Variants in PHC3 observed in about 807,000 individuals in gnomAD.
PHC3 encodes the protein polyhomeotic-like protein 3.
PHC3 carries 13 observed loss-of-function variants against 107.4 expected under a neutral mutation model. The ratio of observed to expected loss-of-function variants is 0.12; its 90% CI spans 0.08 to 0.19. The LOEUF (loss-of-function observed/expected upper bound fraction) is 0.19, where lower values mean the gene tolerates loss of function less well. Ranked by LOEUF, PHC3 falls within the 10% of genes least tolerant of loss-of-function variation. The probability of loss-of-function intolerance (pLI) is 1.00; values close to 1 mark genes in which losing one functional copy is unlikely to be tolerated. For synonymous variants in PHC3, 456 were observed against 427.4 expected (o/e 1.07, Z -0.83); for missense variants, 992 against 1,210.9 (o/e 0.82, Z 2.68).
intron 4 of PHC3, among the ~76,000 whole-genome samples, chr3:170,155,941 A>G (rs1052586330): frequency 2.0e-5 from 3 of 152,036 alleles, no homozygotes; most frequent in Admixed American, 6.6e-5. Context: ...TTCTATGTAG[A>G]TATTAATTTT....
intron 12 of PHC3, 29 bp downstream of exon 12, chr3:170,106,803 C>G: frequency 6.4e-7 from 1 of 1,557,870 alleles, no homozygotes; most frequent in Non-Finnish European, 8.7e-7. Context: ...TTTATCTGTC[C>G]TTTGGGAAAT....
At position 170,091,925 on chromosome 3, in the gene PHC3, A is replaced by G. The variant is rs1230397764; in HGVS notation, c.*5305T>C. 8 of 152,232 alleles carry G rather than the reference A, an allele frequency of 5.3e-5. No individual in the cohort carries two copies. Among genetic ancestry groups the G allele is most frequent in the African/African-American group, 1.4e-4 (6 of 41,460 alleles). The allele number at this position is 152,232 out of a possible 1,614,324, so 9.4% of individuals were successfully genotyped here. On this transcript the variant is annotated 3_prime_UTR_variant, in exon 15 of 15. Transcript: ENST00000495893. ...TTAAATTTATTTGAAGAAAGCTTATATAACTACTGTGAACAAAACTATATG... is the reference window on the plus strand; with the variant it reads ...TTAAATTTATTTGAAGAAAGCTTATGTAACTACTGTGAACAAAACTATATG...
chr3:170,105,743 A>C (rs1210736851), intron 12 of PHC3, among the ~76,000 whole-genome samples: 1 of 152,230 alleles, frequency 6.6e-6, no homozygotes, highest in African/African-American at 2.4e-5. Context: ...TGAAAGAATA[A>C]TTACCTTTTT....
At chr3:170,128,422 A>C (rs1343738716) in intron 8 of PHC3, 1 of 1,329,042 alleles carries the variant, frequency 7.5e-7, no homozygotes, top group African/African-American at 1.5e-5. Context: ...TAAAGATAGC[A>C]GATGGATTTG....
chr3:170,102,400 A>C, intron 14 of PHC3, 79 bp downstream of exon 14: 2 of 1,540,868 alleles, frequency 1.3e-6, no homozygotes, highest in Non-Finnish European at 1.8e-6. Flanking sequence ...CCTTTTGTGC[A>C]AAAGGTGTGG....
At chr3:170,134,622 GA>G (rs987570565) in intron 7 of PHC3, among the ~76,000 whole-genome samples, 9 of 149,766 alleles carry the variant, frequency 6.0e-5, no homozygotes, top group African/African-American at 2.0e-4. Context: ...ATCCAAGTGG[GA>G]AAAAAAAATG....
At chr3:170,112,091 A>T (rs970157942) in intron 11 of PHC3, among the ~76,000 whole-genome samples, 1 of 152,218 alleles carries the variant, frequency 6.6e-6, no homozygotes, top group Non-Finnish European at 1.5e-5. Context: ...CTCAGCCCAA[A>T]AAACAGTAAA....
At chr3:170,130,569 G>A (rs1237862967) in intron 7 of PHC3, among the ~76,000 whole-genome samples, 1 of 152,104 alleles carries the variant, frequency 6.6e-6, no homozygotes, top group Non-Finnish European at 1.5e-5. Flanking sequence ...CAGAGAATGA[G>A]ACAATCAGAA....
At chr3:170,157,229 GA>G (rs989494150) in intron 4 of PHC3, among the ~76,000 whole-genome samples, 47 of 152,140 alleles carry the variant, frequency 3.1e-4, no homozygotes, top group Admixed American at 1.2e-3. Flanking sequence ...ACTGTTAAGG[GA>G]AAAAAACAAA....
intron 8 of PHC3, among the ~76,000 whole-genome samples, chr3:170,127,418 C>T (rs939476962): frequency 1.3e-5 from 2 of 152,152 alleles, no homozygotes; most frequent in Non-Finnish European, 2.9e-5. Context: ...CTGCCCACCT[C>T]AGCTTCCCAA....
rs774220722 is a variant in PHC3, at chr3:170,172,589, T to C, written c.304A>G (p.Ser102Gly). The C allele has an allele frequency of 1.2e-6, 2 of 1,613,484 alleles. No homozygotes were observed. The highest frequency in any genetic ancestry group is 1.1e-5 in the South Asian group (1 of 90,994). Reference protein sequence around the residue: ...TAALQQQHLSSSQLQSLAAVQ... With the variant: ...TAALQQQHLSGSQLQSLAAVQ... ...GCAGCAAGGCTCTGAAGCTGGGAGCTGCTTAAATGCTGCTGCTGAAGAGCT... is the reference window on the plus strand; with the variant it reads ...GCAGCAAGGCTCTGAAGCTGGGAGCCGCTTAAATGCTGCTGCTGAAGAGCT... Residue 102 changes from serine to glycine, a missense_variant, in exon 3 of 15, where the codon AGC (serine) becomes GGC (glycine). Around this residue, in one of 6 missense-constraint regions of PHC3, gnomAD observed 161 missense variants for 183.7 expected, o/e 0.88. Transcript: ENST00000495893.
At chr3:170,177,280 T>C (rs1402357683) in intron 2 of PHC3, among the ~76,000 whole-genome samples, 1 of 152,206 alleles carries the variant, frequency 6.6e-6, no homozygotes, top group Non-Finnish European at 1.5e-5. Flanking sequence ...CTTCATACTG[T>C]AGCAGCACCT....
intron 7 of PHC3, among the ~76,000 whole-genome samples, chr3:170,130,909 C>A (rs1409213260): frequency 6.6e-6 from 1 of 151,710 alleles, no homozygotes; most frequent in Non-Finnish European, 1.5e-5. Flanking sequence ...AAAGACAGGG[C>A]AATTTTTTTT....
At chr3:170,099,869 A>C (rs1425894920) in intron 14 of PHC3, among the ~76,000 whole-genome samples, 2 of 152,228 alleles carry the variant, frequency 1.3e-5, no homozygotes, top group African/African-American at 4.8e-5. Context: ...AGAAAAATCA[A>C]ATCTACTGTG....
At position 170,145,027 on chromosome 3, in the gene PHC3, G is replaced by GT. The variant is rs1169258372; in HGVS notation, c.672+395dup. On this transcript the variant is annotated intron_variant, in intron 6 of 14. Transcript: ENST00000495893. ...CTGACCAATTTTTTAAATTTTAAAT[G>GT]TGTCTAGTTTAATTCACTTTCAAAC... Among the ~76,000 whole-genome samples, 3 of 152,274 alleles carry GT rather than the reference G, an allele frequency of 2.0e-5. No individual in the cohort carries two copies. In the East Asian group the frequency reaches 5.8e-4, roughly 29 times the overall value.
At chr3:170,156,916 A>C (rs1386497206) in intron 4 of PHC3, among the ~76,000 whole-genome samples, 4 of 152,154 alleles carry the variant, frequency 2.6e-5, no homozygotes, top group Non-Finnish European at 5.9e-5. Context: ...TTTTTTAATA[A>C]ATCAAAGAAA....
At chr3:170,113,679 A>G (rs927011265) in intron 10 of PHC3, among the ~76,000 whole-genome samples, 160 bp from the exon 11 acceptor site, 1 of 152,226 alleles carries the variant, frequency 6.6e-6, no homozygotes. Context: ...GGAAAAGATG[A>G]GGCAGAGTGG....
chr3:170,144,531 T>C (rs1724649735), intron 6 of PHC3, among the ~76,000 whole-genome samples: 1 of 152,162 alleles, frequency 6.6e-6, no homozygotes, highest in East Asian at 1.9e-4. Context: ...GTTACATGTA[T>C]GTTTCACTTT....
At chr3:170,129,805 T>C (rs1329507101) in intron 7 of PHC3, among the ~76,000 whole-genome samples, 1 of 152,144 alleles carries the variant, frequency 6.6e-6, no homozygotes, top group East Asian at 1.9e-4. Context: ...GTTCAAGCGA[T>C]TCTCCTGTCT....
Sources: gnomAD v4.1 joint callset for allele counts (sites outside exome capture counted in the v4.1 genomes callset) on GRCh38, gnomAD v4.1.1 for gene constraint, gnomAD v4.1.1 regional missense constraint, MANE v1.5 for transcripts, NCBI Gene and HGNC (gene_info 2026-07-23, HGNC 2026-07-21) for gene names.